The following NT5C3A variants were observed in gnomAD, a reference collection of about 807,000 sequenced individuals.
NT5C3A encodes cytosolic 5'-nucleotidase 3A.
NT5C3A carries 23 observed loss-of-function variants against 40.0 expected under a neutral mutation model. The observed-to-expected ratio is 0.58, with a 90% confidence interval of 0.41 to 0.81. The LOEUF is 0.81. Ranked by LOEUF, NT5C3A falls within the 40% of genes least tolerant of loss-of-function variation. The pLI, the probability that NT5C3A is intolerant of heterozygous loss-of-function variation, is 0.00. For synonymous variants in NT5C3A, 130 were observed against 141.4 expected (o/e 0.92, Z 0.57); for missense variants, 328 against 403.0 (o/e 0.81, Z 1.59).
chr7:33,036,032 A>AG (rs750174141), intron 1 of NT5C3A: 1 of 1,464,340 alleles, frequency 6.8e-7, no homozygotes, highest in African/African-American at 1.4e-5. Context: ...GAAAAAAAAA[A>AG]GTACACGTGA....
At chr7:33,037,889 GGTAGTTTGGGGATTA>G (rs1786696513) in intron 1 of NT5C3A, among the ~76,000 whole-genome samples, 1 of 152,068 alleles carries the variant, frequency 6.6e-6, no homozygotes. Flanking sequence ...AAAATATAAT[GGTAGTTTGGGGATTA>G]GTAGTCTTTA....
chr7:33,016,357 G>C (rs1434591467), intron 7 of NT5C3A, among the ~76,000 whole-genome samples: 1 of 144,226 alleles, frequency 6.9e-6, no homozygotes, highest in Non-Finnish European at 1.5e-5. Flanking sequence ...CTGGGTGACA[G>C]AGTGAGACTC....
intron 1 of NT5C3A, among the ~76,000 whole-genome samples, chr7:33,037,942 T>C (rs6462451): frequency 0.039 from 5,876 of 152,256 alleles, 180 homozygotes; most frequent in South Asian, 0.12. Context: ...CAAGTTTAAG[T>C]AGACTTTCCT....
intron 1 of NT5C3A, 144 bp downstream of exon 1, chr7:33,062,424 C>G (rs1254196432): frequency 2.8e-6 from 2 of 703,336 alleles, no homozygotes; most frequent in Non-Finnish European, 4.6e-6. Flanking sequence ...CTGCGCGTCC[C>G]GAGCTAGCGA....
intron 3 of NT5C3A, chr7:33,023,640 T>G: frequency 4.8e-6 from 1 of 210,524 alleles, no homozygotes; most frequent in Non-Finnish European, 9.6e-6. Flanking sequence ...GGTTGAAGAG[T>G]GTTATTTTAA....
Position 33,015,887 on chromosome 7 carries a change from T to A in NT5C3A, c.694-17A>T. On this transcript the variant is annotated splice_polypyrimidine_tract_variant and intron_variant, in intron 7 of 8. Coordinates refer to ENST00000610140, the MANE Select transcript of NT5C3A (RefSeq NM_001002010.5). Reference sequence around the variant, plus strand: ...GAGCACCCCCTATGAAAAATATAAATCTTTTGAACAGGCTTTAAAAATTCT... The same window carrying A: ...GAGCACCCCCTATGAAAAATATAAAACTTTTGAACAGGCTTTAAAAATTCT... The A allele has an allele frequency of 2.6e-6, 4 of 1,526,604 alleles. No individual in the cohort carries two copies. The highest frequency in any genetic ancestry group is 3.6e-6 in the Non-Finnish European group (4 of 1,100,502). The allele number at this position is 1,526,604 out of a possible 1,614,324, so 94.6% of individuals were successfully genotyped here.
At chr7:33,037,970 G>A (rs1290832392) in intron 1 of NT5C3A, among the ~76,000 whole-genome samples, 1 of 151,934 alleles carries the variant, frequency 6.6e-6, no homozygotes, top group Non-Finnish European at 1.5e-5. Context: ...ACTTTTTTCT[G>A]TCACAGTCAT....
Position 33,050,729 on chromosome 7 carries a change from TAAAC to T in NT5C3A, c.138+11835_138+11838del, listed in dbSNP as rs969444839. On this transcript the variant is annotated intron_variant, in intron 1 of 8. Transcript: ENST00000610140. The stretch of plus-strand genomic sequence containing the variant: ...ATCAGCACCTTGAAAATGAGGAAGA[TAAAC>T]AACATATATGAAAAAAATGACAAAA... Among the ~76,000 whole-genome samples, 55 of 152,262 alleles carry T rather than the reference TAAAC, an allele frequency of 3.6e-4. 1 individual carries two copies. The highest frequency in any genetic ancestry group is 1.3e-3 in the African/African-American group (53 of 41,550).
intron 5 of NT5C3A, 99 bp from the exon 6 acceptor site, chr7:33,019,823 C>A: frequency 1.3e-6 from 1 of 748,192 alleles, no homozygotes; most frequent in Non-Finnish European, 2.3e-6. Context: ...AAATCTGTTC[C>A]TCATATTTGG....
At chr7:33,037,676 C>T (rs1583940307) in intron 1 of NT5C3A, among the ~76,000 whole-genome samples, 1 of 152,098 alleles carries the variant, frequency 6.6e-6, no homozygotes, top group Admixed American at 6.6e-5. Flanking sequence ...TCATAATTGA[C>T]GGCATCTTAG....
At chr7:33,054,412 AT>A (rs922484437) in intron 1 of NT5C3A, among the ~76,000 whole-genome samples, 10 of 151,920 alleles carry the variant, frequency 6.6e-5, no homozygotes, top group African/African-American at 2.2e-4. Flanking sequence ...AACAATCATG[AT>A]TTTTATCCTT....
chr7:33,050,606 T>C (rs531418885), intron 1 of NT5C3A, among the ~76,000 whole-genome samples: 2 of 152,336 alleles, frequency 1.3e-5, no homozygotes, highest in East Asian at 1.9e-4. Context: ...GGAAGGATCT[T>C]GCAAGCACTG....
At position 33,019,850 on chromosome 7, in the gene NT5C3A, T is replaced by C. The variant is rs1477204208; in HGVS notation, c.441-126A>G. On this transcript the variant is annotated intron_variant, in intron 5 of 8. Coordinates refer to ENST00000610140, the MANE Select transcript of NT5C3A (RefSeq NM_001002010.5). The stretch of plus-strand genomic sequence containing the variant: ...CATATTTGGATTTAAATTTTAGAGA[T>C]TGAAGTTCATCACTAATGAATGTAT... 62 of 677,510 alleles carry C rather than the reference T, an allele frequency of 9.2e-5. No homozygotes were observed. In the East Asian group the frequency reaches 1.5e-3, roughly 17 times the overall value. 42.0% of individuals were successfully genotyped at this position (677,510 alleles called of 1,614,324 possible).
At chr7:33,042,206 C>T (rs922657611) in intron 1 of NT5C3A, among the ~76,000 whole-genome samples, 1 of 152,012 alleles carries the variant, frequency 6.6e-6, no homozygotes, top group African/African-American at 2.4e-5. Context: ...GGCCTGGTGG[C>T]AGGCACCTGT....
At chr7:33,020,675 G>A (rs1254850822) in intron 5 of NT5C3A, among the ~76,000 whole-genome samples, 4 of 152,028 alleles carry the variant, frequency 2.6e-5, no homozygotes, top group Non-Finnish European at 4.4e-5. Flanking sequence ...TCAAATCAAA[G>A]CATTTTCTAT....
intron 1 of NT5C3A, among the ~76,000 whole-genome samples, chr7:33,040,194 T>A (rs1476681873): frequency 6.6e-6 from 1 of 151,818 alleles, no homozygotes; most frequent in Non-Finnish European, 1.5e-5. Flanking sequence ...TAAGAAATGA[T>A]CTGCAGCATG....
intron 1 of NT5C3A, among the ~76,000 whole-genome samples, chr7:33,033,378 T>C (rs1295934387): frequency 6.6e-6 from 1 of 152,228 alleles, no homozygotes; most frequent in Non-Finnish European, 1.5e-5. Flanking sequence ...TAATAGCGAT[T>C]TCCCTTGCTT....
chr7:33,031,084 C>G (rs553943321), intron 1 of NT5C3A, among the ~76,000 whole-genome samples: 1 of 129,832 alleles, frequency 7.7e-6, no homozygotes, highest in Non-Finnish European at 1.6e-5. Context: ...TGGGCGACAG[C>G]GAGACTCTGC....
intron 1 of NT5C3A, among the ~76,000 whole-genome samples, chr7:33,058,303 A>G (rs1464430907): frequency 6.6e-6 from 1 of 152,086 alleles, no homozygotes; most frequent in Non-Finnish European, 1.5e-5. Flanking sequence ...GAGAGTAAGT[A>G]ACTATAATTC....
Sources: allele counts gnomAD v4.1 joint callset (sites outside exome capture counted in the v4.1 genomes callset), GRCh38; gene constraint gnomAD v4.1.1; transcripts MANE v1.5; gene names NCBI Gene and HGNC (gene_info 2026-07-23, HGNC 2026-07-21).